Variants in ZBTB46 observed in about 807,000 individuals in gnomAD.
ZBTB46 encodes the protein zinc finger and BTB domain containing 46, also known as zinc finger and BTB domain-containing protein 46.
ZBTB46 carries 8 observed loss-of-function variants against 44.1 expected under a neutral mutation model. That is an observed-to-expected ratio of 0.18 (90% confidence interval 0.11 to 0.33). The LOEUF (loss-of-function observed/expected upper bound fraction) is 0.33, where lower values mean the gene tolerates loss of function less well. Among genes scored for constraint, ZBTB46 ranks in the 10% least tolerant of loss-of-function variants. ZBTB46 has a pLI of 1.00. For missense variants in ZBTB46, 651 were observed against 847.7 expected (o/e 0.77, Z 2.88); for synonymous variants, 409 against 382.3 (o/e 1.07, Z -0.81).
At chr20:63,762,534 C>G (rs2092285851) in intron 3 of ZBTB46, among the ~76,000 whole-genome samples, 1 of 151,998 alleles carries the variant, frequency 6.6e-6, no homozygotes, top group Non-Finnish European at 1.5e-5. Flanking sequence ...CGCGCCTGTA[C>G]TGCCAGCTAC....
chr20:63,809,286 T>C (rs1256303680), intron 1 of ZBTB46, among the ~76,000 whole-genome samples: 1 of 152,188 alleles, frequency 6.6e-6, no homozygotes, highest in East Asian at 1.9e-4. Flanking sequence ...CGTCCAGTCC[T>C]CATGGCCGCG....
At chr20:63,750,102 G>A (rs554213935) in intron 4 of ZBTB46, among the ~76,000 whole-genome samples, 9 of 152,368 alleles carry the variant, frequency 5.9e-5, no homozygotes, top group African/African-American at 2.2e-4. Flanking sequence ...GACAGTGCTC[G>A]TAAGTGCCAT....
intron 3 of ZBTB46, among the ~76,000 whole-genome samples, chr20:63,773,105 C>A (rs1177298242): frequency 6.6e-6 from 1 of 152,156 alleles, no homozygotes; most frequent in Non-Finnish European, 1.5e-5. Flanking sequence ...CCGTGCCCTC[C>A]GACCCCATCT....
chr20:63,809,224 AGCAGCCCTGGGGGC>A (rs34310751), intron 1 of ZBTB46, among the ~76,000 whole-genome samples: 12,935 of 151,758 alleles, frequency 0.085, 968 homozygotes, highest in East Asian at 0.44. Context: ...GGGCAAGGTC[AGCAGCCCTGGGGGC>A]GCAGCCCTGG....
chr20:63,769,324 G>A (rs1435796029), intron 3 of ZBTB46: 1 of 985,298 alleles, frequency 1.0e-6, no homozygotes, highest in Non-Finnish European at 1.2e-6. Context: ...GTGGCTCTGA[G>A]GGTGGAGGGT....
chr20:63,776,085 C>G, intron 2 of ZBTB46, 123 bp from the exon 3 acceptor site: 1 of 1,254,436 alleles, frequency 8.0e-7, no homozygotes, highest in South Asian at 1.8e-5. Context: ...AGCATCAAGT[C>G]CAGCCCACCC....
At chr20:63,792,827 C>T (rs1290315176) in intron 1 of ZBTB46, among the ~76,000 whole-genome samples, 1 of 152,164 alleles carries the variant, frequency 6.6e-6, no homozygotes, top group Non-Finnish European at 1.5e-5. Flanking sequence ...CTAAAATGTC[C>T]TGAGAAAAGT....
intron 1 of ZBTB46, among the ~76,000 whole-genome samples, chr20:63,822,823 G>T (rs1284282114): frequency 1.3e-5 from 2 of 152,042 alleles, no homozygotes; most frequent in African/African-American, 4.8e-5. Flanking sequence ...AGACCAGCCT[G>T]GGCAACACAG....
intron 1 of ZBTB46, among the ~76,000 whole-genome samples, chr20:63,799,124 G>A (rs569322693): frequency 6.6e-5 from 10 of 151,814 alleles, no homozygotes; most frequent in Non-Finnish European, 1.0e-4. Context: ...TCCACCTCCC[G>A]GGCTCAAGCA....
intron 1 of ZBTB46, among the ~76,000 whole-genome samples, chr20:63,823,123 G>A (rs1373162996): frequency 1.3e-4 from 20 of 152,022 alleles, no homozygotes; most frequent in Non-Finnish European, 5.9e-5. Context: ...AGCCAAAACT[G>A]CACCACTGCA....
chr20:63,799,685 C>T (rs1439632919), intron 1 of ZBTB46, among the ~76,000 whole-genome samples: 1 of 152,182 alleles, frequency 6.6e-6, no homozygotes, highest in East Asian at 1.9e-4. Flanking sequence ...ACGTTTTGAA[C>T]AGACACATCA....
chr20:63,821,473 C>T (rs1181094723), intron 1 of ZBTB46, among the ~76,000 whole-genome samples: 1 of 148,882 alleles, frequency 6.7e-6, no homozygotes. Flanking sequence ...GAGTTTCCCT[C>T]TTGTTGCCCA....
chr20:63,751,107 C>T (rs1267381929), intron 4 of ZBTB46, among the ~76,000 whole-genome samples: 2 of 152,138 alleles, frequency 1.3e-5, no homozygotes, highest in Non-Finnish European at 1.5e-5. Flanking sequence ...GGAAACATGT[C>T]GGCCTGGTGC....
rs1413312312 is a variant in ZBTB46, at chr20:63,793,029, T to A, written c.-33-2239A>T. On this transcript the variant is annotated intron_variant, in intron 1 of 4. Transcript: ENST00000245663. ...AGACCGGGCCCAGCCTCCCCTTCAC[T>A]TCCTGCCCGCCGGGCACGAGGGCTG... is the stretch of plus-strand genomic sequence containing the variant. Among the ~76,000 whole-genome samples the A allele has an allele frequency of 2.0e-5, 3 of 152,064 alleles. No individual in the cohort carries two copies. The East Asian group carries it at 5.8e-4, about 29-fold the overall frequency.
intron 1 of ZBTB46, among the ~76,000 whole-genome samples, chr20:63,805,839 T>TTCGGC (rs903623886): frequency 4.6e-5 from 7 of 151,912 alleles, no homozygotes; most frequent in African/African-American, 1.7e-4. Context: ...CACTGAAGCC[T>TTCGGC]TCGGCTCACT....
At chr20:63,810,736 ACT>A (rs1273047967) in intron 1 of ZBTB46, among the ~76,000 whole-genome samples, 5 of 152,134 alleles carry the variant, frequency 3.3e-5, no homozygotes. Flanking sequence ...ACAGAGTGAG[ACT>A]CTGTCTCAAA....
intron 3 of ZBTB46, among the ~76,000 whole-genome samples, chr20:63,771,228 G>C (rs1045340978): frequency 6.6e-6 from 1 of 152,170 alleles, no homozygotes; most frequent in African/African-American, 2.4e-5. Flanking sequence ...GAGAGGAGCC[G>C]GCGGCCCCCG....
Position 63,745,114 on chromosome 20 carries a change from C to A in ZBTB46, c.*1816G>T, listed in dbSNP as rs577897038. ...AGCTCCCTGGTAGCCATGCTCTCCC[C>A]CTGGGGGACTCGTGCCAGAGCCACC... is the stretch of plus-strand genomic sequence containing the variant. On this transcript the variant is annotated 3_prime_UTR_variant, in exon 5 of 5. Transcript: ENST00000245663. 1 of 152,538 alleles carries A rather than the reference C, an allele frequency of 6.6e-6. No homozygotes were observed. The highest frequency in any genetic ancestry group is 1.5e-5 in the Non-Finnish European group (1 of 68,110). The allele number at this position is 152,538 out of a possible 1,614,324, so 9.4% of individuals were successfully genotyped here.
At chr20:63,810,271 C>G (rs6011143) in intron 1 of ZBTB46, among the ~76,000 whole-genome samples, 27,272 of 152,126 alleles carry the variant, frequency 0.18, 2,970 homozygotes, top group East Asian at 0.45. Context: ...AGAAAACCGT[C>G]AAGTATTAAA....
Sources: allele counts gnomAD v4.1 joint callset (sites outside exome capture counted in the v4.1 genomes callset), GRCh38; gene constraint gnomAD v4.1.1; transcripts MANE v1.5; gene names NCBI Gene and HGNC (gene_info 2026-07-23, HGNC 2026-07-21).